The following C10orf71 variants were observed in gnomAD, a reference collection of about 807,000 sequenced individuals.
C10orf71 encodes cardiac-enriched FHL2-interacting protein.
For synonymous variants in C10orf71, 758 were observed against 726.3 expected (o/e 1.04, Z -0.70); for missense variants, 1,869 against 1,804.5 (o/e 1.04, Z -0.65).
At position 49,327,143 on chromosome 10, in the gene C10orf71, T is replaced by C; in HGVS notation, c.*290T>C. Reference sequence around the variant, plus strand: ...CTCTACTCCAGCCCTTCTCCCTCCCTCCCTTCCTCCCTCTCCTGGCCCACC... The same window carrying C: ...CTCTACTCCAGCCCTTCTCCCTCCCCCCCTTCCTCCCTCTCCTGGCCCACC... On this transcript the variant is annotated 3_prime_UTR_variant, in exon 3 of 3. Coordinates refer to ENST00000374144, the MANE Select transcript of C10orf71 (RefSeq NM_001135196.2). 1.1e-6 allele frequency: 1 copy of C among 931,848 alleles called. No individual in the cohort carries two copies. The highest frequency in any genetic ancestry group is 1.5e-6 in the Non-Finnish European group (1 of 669,884). The allele number at this position is 931,848 out of a possible 1,614,324, so 57.7% of individuals were successfully genotyped here.
chr10:49,325,675 C>T lies in C10orf71; in HGVS notation c.3130C>T (p.Pro1044Ser), dbSNP rs1415684047. ...HFLSTPRAGP[P>S]GRRLVPSERA... is the part of the protein sequence containing the mutation. ...TTTGTCCACACCCAGAGCAGGGCCC[C>T]CTGGCAGAAGACTGGTCCCCAGTGA... Residue 1044 changes from proline to serine, a missense_variant, in exon 3 of 3, where the codon CCT becomes TCT. Physicochemically the swap from Pro to Ser is moderately conservative, Grantham distance 74. Coordinates refer to ENST00000374144, the MANE Select transcript of C10orf71 (RefSeq NM_001135196.2). The T allele has an allele frequency of 4.6e-5, 71 of 1,551,912 alleles. No individual in the cohort carries two copies. The highest frequency in any genetic ancestry group is 6.0e-5 in the Non-Finnish European group (69 of 1,147,072).
In C10orf71 at chr10:49,324,284, C is replaced by G. The variant is rs1444901854; in HGVS notation, c.1739C>G (p.Pro580Arg). The G allele has an allele frequency of 6.2e-7, 1 of 1,613,926 alleles. No individual in the cohort carries two copies. Among genetic ancestry groups the G allele is most frequent in the East Asian group, 2.2e-5 (1 of 44,868 alleles). Residue 580 changes from proline to arginine, a missense_variant, in exon 3 of 3, where the codon CCC becomes CGC. Physicochemically the swap from Pro to Arg is moderately radical, Grantham distance 103 (BLOSUM62 -2). Transcript: ENST00000374144. ...INPQKDPTAD[P>R]SEPSADSYLT... ...CCCCAGAAGGACCCTACAGCTGACC[C>G]CAGTGAGCCCTCTGCAGACAGCTAT...
Position 49,324,405 on chromosome 10 carries a change from A to C in C10orf71, c.1860A>C (p.Glu620Asp), listed in dbSNP as rs760818622. Reference sequence around the variant, plus strand: ...GCAGTTATGAGAACAAGGAGGTGGAAGGAGAGTTGGAGATGGGTCCTGCCG... The same window carrying C: ...GCAGTTATGAGAACAAGGAGGTGGACGGAGAGTTGGAGATGGGTCCTGCCG... ...ERSSYENKEV[E>D]GELEMGPAGS... Residue 620 changes from glutamate to aspartate, a missense_variant, in exon 3 of 3, where the codon GAA becomes GAC. By Grantham distance (45) the Glu-to-Asp change is conservative. Coordinates refer to ENST00000374144, the MANE Select transcript of C10orf71 (RefSeq NM_001135196.2). The C allele has an allele frequency of 4.3e-6, 7 of 1,612,636 alleles. No individual in the cohort carries two copies. In the South Asian group the frequency reaches 7.7e-5, roughly 18 times the overall value.
At position 49,324,042 on chromosome 10, in the gene C10orf71, G is replaced by A; in HGVS notation, c.1497G>A (p.Leu499=). 1 of 1,613,792 alleles carries A rather than the reference G, an allele frequency of 6.2e-7. No homozygotes were observed. Among genetic ancestry groups the A allele is most frequent in the Non-Finnish European group, 8.5e-7 (1 of 1,179,806 alleles). Residue 499 remains leucine (L), a synonymous_variant, in exon 3 of 3, where the codon CTG becomes CTA. Coordinates refer to ENST00000374144, the MANE Select transcript of C10orf71 (RefSeq NM_001135196.2). ...RDSYKSKAPS[L]LFNLKDVRKR... ...GCTACAAGTCCAAAGCCCCTAGCCT[G>A]CTGTTCAACCTCAAGGACGTGCGGA... is the stretch of plus-strand genomic sequence containing the variant.
chr10:49,319,579 C>T (rs1272605325), intron 2 of C10orf71, among the ~76,000 whole-genome samples: 1 of 151,360 alleles, frequency 6.6e-6, no homozygotes, highest in Non-Finnish European at 1.5e-5. Context: ...ACATTTGTGG[C>T]AACATTTTTC....
rs747276832 is a variant in C10orf71, at chr10:49,324,032, C to G, written c.1487C>G (p.Ala496Gly). Residue 496 changes from alanine (A) to glycine (G), a missense_variant, in exon 3 of 3, where the codon GCC becomes GGC. Coordinates refer to ENST00000374144, the MANE Select transcript of C10orf71 (RefSeq NM_001135196.2). ...TCTCGAGACAGCTACAAGTCCAAAG[C>G]CCCTAGCCTGCTGTTCAACCTCAAG... ...CQSRDSYKSK[A>G]PSLLFNLKDV... 5.6e-6 allele frequency: 9 copies of G among 1,613,600 alleles called. No homozygotes were observed. The highest frequency in any genetic ancestry group is 7.6e-6 in the Non-Finnish European group (9 of 1,179,764).
chr10:49,304,009 C>A (rs999969162), intron 1 of C10orf71, among the ~76,000 whole-genome samples: 2 of 152,204 alleles, frequency 1.3e-5, no homozygotes, highest in Non-Finnish European at 2.9e-5. Flanking sequence ...CCCAGGGGTG[C>A]TCTGTGTGAG....
rs757046894 is a variant in C10orf71 at position 49,324,203 on chromosome 10, C to T, written c.1658C>T (p.Pro553Leu). ...CCCAATGGGCTTGAGGAAAGCCCTC[C>T]AAATGAGCTTTCTAAGGAGAGACCC... ...ILPNGLEESP[P>L]NELSKERPAD... Residue 553 changes from proline to leucine, a missense_variant, in exon 3 of 3, where the codon CCA (proline) becomes CTA (leucine). Coordinates refer to ENST00000374144, the MANE Select transcript of C10orf71 (RefSeq NM_001135196.2). 2 of 1,613,920 alleles carry T rather than the reference C, an allele frequency of 1.2e-6. No individual in the cohort carries two copies. The highest frequency in any genetic ancestry group is 1.7e-5 in the Admixed American group (1 of 60,030).
chr10:49,304,215 C>A (rs1564682281), intron 1 of C10orf71, among the ~76,000 whole-genome samples: 1 of 152,220 alleles, frequency 6.6e-6, no homozygotes, highest in Non-Finnish European at 1.5e-5. Context: ...CCTCGCCCTG[C>A]ACAAACCTGT....
intron 1 of C10orf71, among the ~76,000 whole-genome samples, chr10:49,309,025 G>A (rs1848865606): frequency 6.6e-6 from 1 of 152,204 alleles, no homozygotes; most frequent in Non-Finnish European, 1.5e-5. Flanking sequence ...TTCATCAGCT[G>A]TAAGATGATG....
chr10:49,303,621 T>G (rs1048403416), intron 1 of C10orf71, among the ~76,000 whole-genome samples: 8 of 152,360 alleles, frequency 5.3e-5, no homozygotes, highest in Admixed American at 2.0e-4. Flanking sequence ...GGCAAGGGGC[T>G]GGCGCTGTTC....
chr10:49,299,631 G>A (rs905498613), intron 1 of C10orf71, among the ~76,000 whole-genome samples: 1 of 152,168 alleles, frequency 6.6e-6, no homozygotes, highest in South Asian at 2.1e-4. Context: ...AAGGTTCTTG[G>A]TGTGCTGGAT....
chr10:49,324,197 G>A lies in C10orf71; in HGVS notation c.1652G>A (p.Ser551Asn), dbSNP rs752912795. ...GVILPNGLEE[S>N]PPNELSKERP... ...ATCCTCCCCAATGGGCTTGAGGAAA[G>A]CCCTCCAAATGAGCTTTCTAAGGAG... The change falls in exon 3 of 3, where the codon AGC (serine) becomes AAC (asparagine). Residue 551 changes from serine (S) to asparagine (N), a missense_variant. Physicochemically the swap from Ser to Asn is conservative, Grantham distance 46 (BLOSUM62 1). Coordinates refer to ENST00000374144, the MANE Select transcript of C10orf71 (RefSeq NM_001135196.2). 2.9e-5 allele frequency: 46 copies of A among 1,613,814 alleles called. No homozygotes were observed. In the Admixed American group the frequency reaches 6.0e-4, roughly 21 times the overall value.
chr10:49,323,173 T>C lies in C10orf71; in HGVS notation c.628T>C (p.Tyr210His), dbSNP rs755013607. The C allele has an allele frequency of 3.1e-6, 5 of 1,613,914 alleles. No individual in the cohort carries two copies. In the South Asian group the frequency reaches 5.5e-5, roughly 18 times the overall value. The change falls in exon 3 of 3, where the codon TAC (tyrosine) becomes CAC (histidine). Residue 210 changes from tyrosine (Y) to histidine (H), a missense_variant. Physicochemically the swap from Tyr to His is moderately conservative, Grantham distance 83. Transcript: ENST00000374144. ...AGTTTCCAACACCCATCAGAACAGC[T>C]ACCAGCCAGGCAGGAAGCACGGAGA... ...AEVSNTHQNS[Y>H]QPGRKHGEQE...
At chr10:49,310,595 C>T (rs1848893653) in intron 1 of C10orf71, among the ~76,000 whole-genome samples, 1 of 152,198 alleles carries the variant, frequency 6.6e-6, no homozygotes, top group Admixed American at 6.5e-5. Context: ...CAACCTGCCT[C>T]AGAGGAGTCA....
In C10orf71 at chr10:49,322,478, T is replaced by A; in HGVS notation, c.-68T>A. 2.0e-6 allele frequency: 3 copies of A among 1,482,098 alleles called. No individual in the cohort carries two copies. Among genetic ancestry groups the A allele is most frequent in the Non-Finnish European group, 2.7e-6 (3 of 1,112,170 alleles). The allele number at this position is 1,482,098 out of a possible 1,614,324, so 91.8% of individuals were successfully genotyped here. A position where few individuals can be genotyped will look rare whatever the true frequency, so the allele number is the denominator to read the frequency against. On this transcript the variant is annotated 5_prime_UTR_variant, in exon 3 of 3. It removes the in-frame stop codon of an upstream open reading frame in the 5' UTR. Transcript: ENST00000374144. ...TAGTTTTGGGGAAGAGGGAAACACC[T>A]AACCTTGACAGAATCATCACCAGAG...
Position 49,322,624 on chromosome 10 carries a change from A to G in C10orf71, c.79A>G (p.Arg27Gly). Reference protein sequence around the residue: ...SIGSVLDDADREVSSLTDRAF... With the variant: ...SIGSVLDDADGEVSSLTDRAF... The stretch of plus-strand genomic sequence containing the variant: ...CGGCAGCGTGTTGGATGATGCAGAC[A>G]GGGAGGTGAGCAGCCTAACAGACCG... Residue 27 changes from arginine (R) to glycine (G), a missense_variant, in exon 3 of 3, where the codon AGG becomes GGG. Coordinates refer to ENST00000374144, the MANE Select transcript of C10orf71 (RefSeq NM_001135196.2). 6.2e-7 allele frequency: 1 copy of G among 1,613,358 alleles called. No homozygotes were observed.
rs369676694 is a variant in C10orf71, at chr10:49,325,033, A to T, written c.2488A>T (p.Asn830Tyr). ...ANFRGSWIGENKGTTFSQAKD... is the reference protein window; with the variant it reads ...ANFRGSWIGEYKGTTFSQAKD... Reference sequence around the variant, plus strand: ...TTTCAGAGGCTCTTGGATTGGGGAAAATAAGGGCACAACCTTTTCACAGGC... The same window carrying T: ...TTTCAGAGGCTCTTGGATTGGGGAATATAAGGGCACAACCTTTTCACAGGC... The change falls in exon 3 of 3, where the codon AAT becomes TAT. Residue 830 changes from asparagine to tyrosine, a missense_variant. Asn to Tyr is a moderately radical substitution (Grantham distance 143, BLOSUM62 -2). Transcript: ENST00000374144. 6.4e-7 allele frequency: 1 copy of T among 1,551,676 alleles called. No homozygotes were observed. Among genetic ancestry groups the T allele is most frequent in the Non-Finnish European group, 8.7e-7 (1 of 1,147,034 alleles).
chr10:49,322,199 T>C (rs776370582), intron 2 of C10orf71, among the ~76,000 whole-genome samples: 2 of 152,136 alleles, frequency 1.3e-5, no homozygotes, highest in Non-Finnish European at 2.9e-5. Flanking sequence ...TTACTTAAAG[T>C]CTACTGATTT....
Sources: allele counts gnomAD v4.1 joint callset (sites outside exome capture counted in the v4.1 genomes callset), GRCh38; gene constraint gnomAD v4.1.1; transcripts MANE v1.5; gene names NCBI Gene and HGNC (gene_info 2026-07-23, HGNC 2026-07-21).